Variants in GPLD1 observed in about 807,000 individuals in gnomAD.
The protein encoded by GPLD1 is glycosylphosphatidylinositol specific phospholipase D1.
A neutral mutation model predicts 112.6 loss-of-function variants in GPLD1; 84 were observed. That is an observed-to-expected ratio of 0.75 (90% CI 0.63 to 0.89). The LOEUF is 0.89. Ranked by LOEUF, GPLD1 falls within the 40% of genes least tolerant of loss-of-function variation. The probability of loss-of-function intolerance (pLI) is 0.00; values close to 1 mark genes in which losing one functional copy is unlikely to be tolerated. For missense variants in GPLD1, 1,044 were observed against 1,051.5 expected, an observed-to-expected ratio of 0.99 and a Z score of 0.10; for synonymous variants, 386 against 403.8, an observed-to-expected ratio of 0.96 and a Z score of 0.53.
chr6:24,481,559 A>G (rs1003014659), intron 2 of GPLD1, among the ~76,000 whole-genome samples: 3 of 152,180 alleles, frequency 2.0e-5, no homozygotes, highest in African/African-American at 7.2e-5. Context: ...GGGGCTGACC[A>G]GAATGCTGTG....
At chr6:24,462,218 G>A (rs3846834) in intron 11 of GPLD1, among the ~76,000 whole-genome samples, 31,442 of 151,838 alleles carry the variant, frequency 0.21, 3,690 homozygotes, top group African/African-American at 0.33. Context: ...CTGCAGCCTC[G>A]AACTCCTAGG....
At chr6:24,454,532 T>C (rs969645611) in intron 13 of GPLD1, among the ~76,000 whole-genome samples, 12 of 152,260 alleles carry the variant, frequency 7.9e-5, no homozygotes, top group African/African-American at 2.4e-4. Flanking sequence ...AGGAAATTCA[T>C]GTCCAGCCAA....
chr6:24,443,681 TTG>T (rs1491029275), intron 20 of GPLD1, among the ~76,000 whole-genome samples: 1 of 151,902 alleles, frequency 6.6e-6, no homozygotes, highest in African/African-American at 2.4e-5. Context: ...TTTTGTTTTT[TTG>T]TTTTTGAGAC....
At chr6:24,463,565 C>T (rs761442353) in intron 10 of GPLD1, among the ~76,000 whole-genome samples, 3 of 152,202 alleles carry the variant, frequency 2.0e-5, no homozygotes, top group African/African-American at 7.2e-5. Context: ...TCTCTTTGGA[C>T]CTTTTCTTGT....
At chr6:24,455,216 T>C (rs1763229103) in intron 13 of GPLD1, among the ~76,000 whole-genome samples, 1 of 152,244 alleles carries the variant, frequency 6.6e-6, no homozygotes, top group African/African-American at 2.4e-5. Flanking sequence ...TGGCCAGTAA[T>C]GGCCCTAGGG....
intron 5 of GPLD1, 148 bp from the exon 6 acceptor site, chr6:24,473,815 AT>A: frequency 1.9e-6 from 1 of 531,876 alleles, no homozygotes; most frequent in Non-Finnish European, 3.4e-6. Context: ...CTAACATTTT[AT>A]TAGTAAAAAA....
intron 3 of GPLD1, among the ~76,000 whole-genome samples, chr6:24,479,589 G>C (rs1458435464): frequency 6.6e-6 from 1 of 152,090 alleles, no homozygotes; most frequent in Non-Finnish European, 1.5e-5. Flanking sequence ...CAGACCTTTT[G>C]ATCTCTTGCA....
At chr6:24,457,497 AC>A (rs1763304867) in intron 12 of GPLD1, among the ~76,000 whole-genome samples, 1 of 152,190 alleles carries the variant, frequency 6.6e-6, no homozygotes, top group Non-Finnish European at 1.5e-5. Flanking sequence ...AAGAAAAAGA[AC>A]AAGTCCTTTC....
intron 20 of GPLD1, among the ~76,000 whole-genome samples, chr6:24,439,192 T>C (rs1405208731): frequency 4.9e-5 from 7 of 143,416 alleles, no homozygotes; most frequent in African/African-American, 1.8e-4. Context: ...AGTCCTTCCA[T>C]GGCAAGAGGA....
rs747085341 is a variant in GPLD1 at position 24,434,837 on chromosome 6, C to CAA, written c.2359-1450_2359-1449dup. Among the ~76,000 whole-genome samples, 573 of 65,396 alleles carry CAA rather than the reference C, an allele frequency of 8.8e-3. 21 individuals carry two copies. Among genetic ancestry groups the CAA allele is most frequent in the African/African-American group, 0.027 (450 of 16,876 alleles). The allele number at this position is 65,396 out of a possible 152,430, so 42.9% of individuals were successfully genotyped here. A position where few individuals can be genotyped will look rare whatever the true frequency, so the allele number is the denominator to read the frequency against. On this transcript the variant is annotated intron_variant, in intron 22 of 24. Transcript: ENST00000230036. ...TGGGCGACAGAGCGAGACTCCGTCT[C>CAA]AAAAAAAAAAAAAAAAAAGACAGGG... is the stretch of plus-strand genomic sequence containing the variant.
chr6:24,437,384 G>A, intron 20 of GPLD1, 95 bp from the exon 21 acceptor site: 1 of 1,148,178 alleles, frequency 8.7e-7, no homozygotes, highest in Non-Finnish European at 1.3e-6. Flanking sequence ...TGATCACTCG[G>A]GATCCTACAG....
chr6:24,490,876 T>TA (rs1328185505), upstream of GPLD1, among the ~76,000 whole-genome samples: 1 of 152,162 alleles, frequency 6.6e-6, no homozygotes, highest in African/African-American at 2.4e-5. Flanking sequence ...ATCCCGCAGC[T>TA]ACCCCCAGAC....
intron 11 of GPLD1, 107 bp downstream of exon 11, chr6:24,462,623 T>G: frequency 1.4e-6 from 1 of 718,158 alleles, no homozygotes; most frequent in South Asian, 1.7e-5. Context: ...AATCTGGAAT[T>G]TGAACCTACA....
At chr6:24,454,253 A>C in intron 13 of GPLD1, 52 bp from the exon 14 acceptor site, 2 of 1,317,110 alleles carry the variant, frequency 1.5e-6, no homozygotes, top group Non-Finnish European at 2.1e-6. Context: ...CTAGGGTTAA[A>C]GCTGTCGCCT....
chr6:24,433,333 T>C, intron 23 of GPLD1, 30 bp downstream of exon 23: 1 of 1,604,268 alleles, frequency 6.2e-7, no homozygotes. Flanking sequence ...TGGTAATTTT[T>C]CTTTCTTCAG....
chr6:24,483,724 G>A (rs1030058332), intron 2 of GPLD1, among the ~76,000 whole-genome samples: 1 of 151,850 alleles, frequency 6.6e-6, no homozygotes. Flanking sequence ...TAAATCTTGC[G>A]GTGTCGGATT....
At chr6:24,467,053 G>T in intron 8 of GPLD1, 114 bp from the exon 9 acceptor site, 2 of 1,088,362 alleles carry the variant, frequency 1.8e-6, no homozygotes, top group African/African-American at 1.5e-5. Context: ...AACTGCCTTT[G>T]AATAAGCAGA....
chr6:24,451,372 C>T (rs965634744), intron 14 of GPLD1, among the ~76,000 whole-genome samples: 1 of 152,020 alleles, frequency 6.6e-6, no homozygotes, highest in Non-Finnish European at 1.5e-5. Context: ...GATGGAGTTT[C>T]GCTCTTGTTG....
chr6:24,466,981 T>C, intron 8 of GPLD1, 42 bp from the exon 9 acceptor site: 1 of 1,550,148 alleles, frequency 6.5e-7, no homozygotes, highest in South Asian at 1.1e-5. Flanking sequence ...TTGCAGTTTG[T>C]AACAGAGAAA....
Sources: gnomAD v4.1 joint callset for allele counts (sites outside exome capture counted in the v4.1 genomes callset) on GRCh38, gnomAD v4.1.1 for gene constraint, MANE v1.5 for transcripts, NCBI Gene and HGNC (gene_info 2026-07-23, HGNC 2026-07-21) for gene names.